Variants in RPS6KC1 observed in about 807,000 individuals in gnomAD.
RPS6KC1 encodes inactive ribosomal protein S6 kinase delta-1.
Under a neutral mutation model 103.8 loss-of-function variants are expected in RPS6KC1, and 54 were observed. The ratio of observed to expected loss-of-function variants is 0.52; its 90% confidence interval spans 0.42 to 0.65. The LOEUF is 0.65. RPS6KC1 is among the 30% of genes least tolerant of loss of function. The pLI, the probability that RPS6KC1 is intolerant of heterozygous loss-of-function variation, is 0.00. For synonymous variants in RPS6KC1, 439 were observed against 438.7 expected (o/e 1.00, Z -0.01); for missense variants, 1,151 against 1,253.8 (o/e 0.92, Z 1.24).
intron 6 of RPS6KC1, among the ~76,000 whole-genome samples, chr1:213,154,661 C>T (rs2147990786): frequency 6.6e-6 from 1 of 152,338 alleles, no homozygotes; most frequent in Non-Finnish European, 1.5e-5. Context: ...GGGTTCCCCA[C>T]TGGCCAAGGG....
chr1:213,564,140 G>A, the RPS6KC1 span, among the ~76,000 whole-genome samples: 6 of 151,834 alleles, frequency 4.0e-5, no homozygotes, highest in African/African-American at 1.5e-4. Context: ...TCCTATATGT[G>A]TTGTATAAAG....
At chr1:213,074,794 G>A (rs2079158716) in intron 2 of RPS6KC1, among the ~76,000 whole-genome samples, 2 of 141,294 alleles carry the variant, frequency 1.4e-5, no homozygotes, top group Admixed American at 1.4e-4. Context: ...GTTAAATTTT[G>A]CTCCTTAAGT....
At chr1:213,637,059 A>G in the RPS6KC1 span, among the ~76,000 whole-genome samples, 1 of 152,182 alleles carries the variant, frequency 6.6e-6, no homozygotes, top group Non-Finnish European at 1.5e-5. Context: ...CAAAACCACA[A>G]TGAGATACCA....
the RPS6KC1 span, among the ~76,000 whole-genome samples, chr1:213,435,100 T>C: frequency 2.6e-5 from 4 of 152,210 alleles, no homozygotes; most frequent in Admixed American, 6.5e-5. Flanking sequence ...TGCTTCATTT[T>C]AAATAGTTTT....
chr1:213,428,427 CCCCT>C, the RPS6KC1 span, among the ~76,000 whole-genome samples: 1 of 71,560 alleles, frequency 1.4e-5, no homozygotes. Context: ...CCCTTCCTCT[CCCCT>C]CCCTCCCTCC....
the RPS6KC1 span, among the ~76,000 whole-genome samples, chr1:213,789,185 T>A: frequency 2.0e-5 from 3 of 152,060 alleles, no homozygotes; most frequent in African/African-American, 4.8e-5. Context: ...ATTGTGTAGT[T>A]TTTTCCTGTG....
chr1:213,096,883 A>G (rs987058777), intron 3 of RPS6KC1, among the ~76,000 whole-genome samples: 4 of 152,188 alleles, frequency 2.6e-5, no homozygotes, highest in African/African-American at 7.2e-5. Flanking sequence ...TGGCTTATAT[A>G]TATTATATAC....
rs1183190938 is a variant in RPS6KC1 at position 213,129,552 on chromosome 1, A to G, written c.498A>G (p.Val166=). ...GCTTCTCCAGTGACAGTGATCTGGTATCTCTTACTGTTGATGTGGATTCTC... is the reference window on the plus strand; with the variant it reads ...GCTTCTCCAGTGACAGTGATCTGGTGTCTCTTACTGTTGATGTGGATTCTC... ...TEGFSSDSDL[V]SLTVDVDSLA... Residue 166 remains valine, a synonymous_variant, in exon 6 of 15, where the codon GTA becomes GTG. Coordinates refer to ENST00000366960, the MANE Select transcript of RPS6KC1 (RefSeq NM_012424.6). 1 of 1,611,564 alleles carries G rather than the reference A, an allele frequency of 6.2e-7. No homozygotes were observed. The highest frequency in any genetic ancestry group is 1.1e-5 in the South Asian group (1 of 90,658).
intron 8 of RPS6KC1, among the ~76,000 whole-genome samples, chr1:213,229,884 TG>T (rs751863462): frequency 1.2e-4 from 18 of 152,190 alleles, no homozygotes; most frequent in Non-Finnish European, 2.1e-4. Context: ...GGAGATCAGT[TG>T]GAACACTGTA....
the RPS6KC1 span, among the ~76,000 whole-genome samples, chr1:213,649,683 G>A: frequency 2.0e-5 from 3 of 152,062 alleles, no homozygotes; most frequent in South Asian, 4.1e-4. Flanking sequence ...TACTTTCCAC[G>A]TTGTTGTGCT....
rs565425301 is a variant in RPS6KC1 at position 213,234,014 on chromosome 1, C to CTT, written c.1225+1774_1225+1775dup. 4.7e-4 allele frequency among the ~76,000 whole-genome samples: 64 copies of CTT among 135,122 alleles called. No individual in the cohort carries two copies. The East Asian group carries it at 9.3e-3, about 20-fold the overall frequency. 88.6% of individuals were successfully genotyped at this position (135,122 alleles called of 152,430 possible). On this transcript the variant is annotated intron_variant, in intron 10 of 14. Transcript: ENST00000366960. ...CAAGACAAGAAAATTCTCTCTCTCT[C>CTT]TTTTTTTTTTTTTTTTGGTTGGGGG... is the stretch of plus-strand genomic sequence containing the variant.
downstream of RPS6KC1, among the ~76,000 whole-genome samples, chr1:213,275,337 A>G (rs1437354985): frequency 1.3e-5 from 2 of 152,172 alleles, no homozygotes; most frequent in African/African-American, 2.4e-5. Flanking sequence ...AAAATTACCA[A>G]TATCATTCAC....
rs776136189 is a variant in RPS6KC1 at position 213,253,809 on chromosome 1, A to G, written c.2912-7749A>G. Among the ~76,000 whole-genome samples, 51 of 152,208 alleles carry G rather than the reference A, an allele frequency of 3.4e-4. 2 individuals carry two copies. The Middle Eastern group carries it at 0.014, about 41-fold the overall frequency. On this transcript the variant is annotated intron_variant, in intron 12 of 14. Transcript: ENST00000366960. Reference sequence around the variant, plus strand: ...CCTTTCCTTTCCCATCGCTATATAGACATCTTATGGTTGAGTCCAAGCTTT... The same window carrying G: ...CCTTTCCTTTCCCATCGCTATATAGGCATCTTATGGTTGAGTCCAAGCTTT...
chr1:213,129,210 G>A (rs1366755658), intron 5 of RPS6KC1, among the ~76,000 whole-genome samples: 4 of 152,192 alleles, frequency 2.6e-5, no homozygotes, highest in African/African-American at 9.6e-5. Flanking sequence ...TAGCAACTAT[G>A]TGTACAGGCA....
chr1:213,484,736 C>T, the RPS6KC1 span, among the ~76,000 whole-genome samples: 42 of 152,296 alleles, frequency 2.8e-4, no homozygotes, highest in South Asian at 8.3e-3. Context: ...TAGGTTTGCT[C>T]AGAAGCAGAT....
the RPS6KC1 span, among the ~76,000 whole-genome samples, chr1:213,353,498 C>T: frequency 6.6e-6 from 1 of 152,228 alleles, no homozygotes; most frequent in African/African-American, 2.4e-5. Context: ...CCCAGGCAGC[C>T]TGGCTCTTAC....
intron 3 of RPS6KC1, among the ~76,000 whole-genome samples, chr1:213,092,343 T>G (rs1382102006): frequency 1.1e-4 from 17 of 152,162 alleles, no homozygotes; most frequent in Admixed American, 1.1e-3. Flanking sequence ...GTGCCATAAT[T>G]TAGCCAAGTA....
the RPS6KC1 span, among the ~76,000 whole-genome samples, chr1:213,403,123 G>A: frequency 2.6e-5 from 4 of 151,580 alleles, no homozygotes; most frequent in Non-Finnish European, 5.9e-5. Flanking sequence ...GCAAGACTCC[G>A]TCTCAAAAAA....
chr1:213,055,707 GT>G (rs780623534), intron 1 of RPS6KC1, among the ~76,000 whole-genome samples: 4 of 152,124 alleles, frequency 2.6e-5, no homozygotes, highest in Non-Finnish European at 4.4e-5. Context: ...GAATCAGCTT[GT>G]CTGGTTTCTA....
Sources: gnomAD v4.1 joint callset for allele counts (sites outside exome capture counted in the v4.1 genomes callset) on GRCh38, gnomAD v4.1.1 for gene constraint, MANE v1.5 for transcripts, NCBI Gene and HGNC (gene_info 2026-07-23, HGNC 2026-07-21) for gene names.